The following GRIK2 variants were observed in gnomAD, a reference collection of about 807,000 sequenced individuals.
GRIK2 encodes glutamate receptor ionotropic, kainate 2.
In GRIK2, 32 loss-of-function variants were observed where a neutral mutation model predicts 100.3. The observed-to-expected ratio is 0.32, with a 90% CI of 0.24 to 0.43. GRIK2 has a LOEUF of 0.43. GRIK2 is among the 20% of genes least tolerant of loss of function. The pLI, the probability that GRIK2 is intolerant of heterozygous loss-of-function variation, is 1.00. For missense variants in GRIK2, 843 were observed against 1,114.9 expected, an observed-to-expected ratio of 0.76 and a Z score of 3.47; for synonymous variants, 417 against 389.4, an observed-to-expected ratio of 1.07 and a Z score of -0.83.
At chr6:101,787,590 C>T (rs1779517779) in intron 7 of GRIK2, among the ~76,000 whole-genome samples, 1 of 152,018 alleles carries the variant, frequency 6.6e-6, no homozygotes, top group African/African-American at 2.4e-5. Flanking sequence ...TGTTTAGTGT[C>T]CATATATTTG....
intron 7 of GRIK2, among the ~76,000 whole-genome samples, chr6:101,695,322 T>A (rs1772401595): frequency 6.6e-6 from 1 of 152,112 alleles, no homozygotes; most frequent in Admixed American, 6.6e-5. Context: ...TCTTTTATAA[T>A]GTTGCTAATC....
intron 14 of GRIK2, among the ~76,000 whole-genome samples, chr6:102,010,211 GT>G (rs1371635921): frequency 6.6e-6 from 1 of 151,964 alleles, no homozygotes; most frequent in African/African-American, 2.4e-5. Context: ...AATGTCCATA[GT>G]TTATATTGTT....
chr6:102,009,168 A>G (rs1219662880), intron 14 of GRIK2, among the ~76,000 whole-genome samples: 1 of 152,036 alleles, frequency 6.6e-6, no homozygotes, highest in East Asian at 1.9e-4. Flanking sequence ...ACATAAATTG[A>G]AAAATAATTG....
intron 2 of GRIK2, among the ~76,000 whole-genome samples, chr6:101,441,665 G>T (rs1770070633): frequency 6.6e-6 from 1 of 152,068 alleles, no homozygotes; most frequent in Non-Finnish European, 1.5e-5. Context: ...GGTTCCAGGG[G>T]TATGTGTGCA....
At chr6:101,537,154 T>C (rs1174933319) in intron 2 of GRIK2, among the ~76,000 whole-genome samples, 1 of 151,798 alleles carries the variant, frequency 6.6e-6, no homozygotes, top group Admixed American at 6.6e-5. Flanking sequence ...CGTGGAGGAC[T>C]CTTGGATCTC....
intron 16 of GRIK2, chr6:102,064,013 T>A (rs772653791): frequency 1.9e-6 from 3 of 1,545,912 alleles, no homozygotes; most frequent in African/African-American, 2.7e-5. Flanking sequence ...TGTTTAGTAA[T>A]CTTTTGAAAC....
intron 14 of GRIK2, among the ~76,000 whole-genome samples, chr6:102,011,576 C>CT (rs1795535227): frequency 2.0e-5 from 2 of 102,438 alleles, no homozygotes; most frequent in African/African-American, 4.4e-5. Flanking sequence ...TCTTTCTTTT[C>CT]CTTTTTTTTT....
chr6:101,614,247 C>T (rs761973142), intron 2 of GRIK2, among the ~76,000 whole-genome samples: 2 of 151,836 alleles, frequency 1.3e-5, no homozygotes, highest in South Asian at 2.1e-4. Context: ...GCATTAAGAA[C>T]AAAATGAGTA....
chr6:101,581,376 G>A (rs182822004), intron 2 of GRIK2, among the ~76,000 whole-genome samples: 1 of 152,004 alleles, frequency 6.6e-6, no homozygotes, highest in Non-Finnish European at 1.5e-5. Context: ...TCCCACAATA[G>A]GCCGTTTGCA....
At chr6:101,571,644 C>T (rs962210003) in intron 2 of GRIK2, among the ~76,000 whole-genome samples, 1 of 151,974 alleles carries the variant, frequency 6.6e-6, no homozygotes, top group African/African-American at 2.4e-5. Context: ...ATTAAAAGAG[C>T]ATATATGATG....
At position 101,622,007 on chromosome 6, in the gene GRIK2, A is replaced by G. The variant is rs1352163880; in HGVS notation, c.174A>G (p.Arg58=). 6.2e-7 allele frequency: 1 copy of G among 1,608,462 alleles called. No individual in the cohort carries two copies. The highest frequency in any genetic ancestry group is 1.1e-5 in the South Asian group (1 of 90,976). Residue 58 remains arginine (R), a synonymous_variant, in exon 3 of 17, where the codon AGA becomes AGG. Coordinates refer to ENST00000369134, the MANE Select transcript of GRIK2 (RefSeq NM_021956.5). ...TGGGAGCTGAGGAACTTGCATTCAG[A>G]TTTGCTGTGAACACAATTAACAGAA... The part of the protein sequence containing the change: ...GPMGAEELAF[R]FAVNTINRNR...
chr6:101,403,230 A>T (rs1388634628), intron 2 of GRIK2, among the ~76,000 whole-genome samples: 1 of 152,232 alleles, frequency 6.6e-6, no homozygotes, highest in Non-Finnish European at 1.5e-5. Context: ...AGTAGCAAAG[A>T]CATCAACCCA....
intron 11 of GRIK2, among the ~76,000 whole-genome samples, chr6:101,886,207 C>A (rs1786601798): frequency 6.6e-6 from 1 of 152,096 alleles, no homozygotes; most frequent in Admixed American, 6.6e-5. Flanking sequence ...CCTCTAAATT[C>A]TCTGGTGTCT....
chr6:101,906,146 T>C (rs1788205121), intron 12 of GRIK2, among the ~76,000 whole-genome samples: 1 of 151,742 alleles, frequency 6.6e-6, no homozygotes, highest in South Asian at 2.1e-4. Context: ...TTGGAATACA[T>C]GTACCATAGT....
chr6:101,630,441 T>A (rs1178774168), intron 4 of GRIK2, among the ~76,000 whole-genome samples: 1 of 152,184 alleles, frequency 6.6e-6, no homozygotes, highest in Non-Finnish European at 1.5e-5. Context: ...GAGGTTTTGT[T>A]TTGCATTTCT....
intron 14 of GRIK2, among the ~76,000 whole-genome samples, chr6:102,019,180 C>G (rs1407741915): frequency 6.6e-6 from 1 of 151,950 alleles, no homozygotes; most frequent in Non-Finnish European, 1.5e-5. Context: ...AGGCTAGAGT[C>G]AGTCAAACTG....
Position 101,994,799 on chromosome 6 carries a change from A to C in GRIK2, c.2086-40542A>C, listed in dbSNP as rs941006950. Among the ~76,000 whole-genome samples, 8 of 151,882 alleles carry C rather than the reference A, an allele frequency of 5.3e-5. No individual in the cohort carries two copies. In the South Asian group the frequency reaches 8.3e-4, roughly 16 times the overall value. On this transcript the variant is annotated intron_variant, in intron 14 of 16. Coordinates refer to ENST00000369134, the MANE Select transcript of GRIK2 (RefSeq NM_021956.5). ...TTGAATTGATAATTAATTGTGCCCT[A>C]TTTCACTCTCCTGTCCTGGTTTAAA...
intron 2 of GRIK2, among the ~76,000 whole-genome samples, chr6:101,416,487 C>G (rs1338559467): frequency 6.6e-6 from 1 of 152,104 alleles, no homozygotes; most frequent in Non-Finnish European, 1.5e-5. Context: ...TAAGCAAATT[C>G]CAGGTGTCTC....
chr6:101,581,967 G>T (rs1367545037), intron 2 of GRIK2, among the ~76,000 whole-genome samples: 1 of 151,966 alleles, frequency 6.6e-6, no homozygotes, highest in East Asian at 1.9e-4. Flanking sequence ...TCAAGGGTAG[G>T]ACCAGGTGGA....
Sources: gnomAD v4.1 joint callset for allele counts (sites outside exome capture counted in the v4.1 genomes callset) on GRCh38, gnomAD v4.1.1 for gene constraint, MANE v1.5 for transcripts, NCBI Gene and HGNC (gene_info 2026-07-23, HGNC 2026-07-21) for gene names.